ESD: variants seen among roughly 807,000 people sequenced by gnomAD.
ESD encodes S-formylglutathione hydrolase.
Under a neutral mutation model 38.1 loss-of-function variants are expected in ESD, and 34 were observed. The observed-to-expected ratio is 0.89, with a 90% CI of 0.68 to 1.19. The LOEUF (loss-of-function observed/expected upper bound fraction) is 1.19, where lower values mean the gene tolerates loss of function less well. Ranked by LOEUF, ESD falls within the 50% of genes most tolerant of loss-of-function variation. The pLI is 0.00. For synonymous variants in ESD, 97 were observed against 107.0 expected, an observed-to-expected ratio of 0.91 and a Z score of 0.58; for missense variants, 334 against 327.2, an observed-to-expected ratio of 1.02 and a Z score of -0.16.
intron 3 of ESD, among the ~76,000 whole-genome samples, chr13:46,788,575 C>T (rs1875279085): frequency 2.2e-5 from 3 of 138,398 alleles, no homozygotes; most frequent in African/African-American, 8.0e-5. Context: ...TTTGTTATTA[C>T]AACAAAATTT....
intron 5 of ESD, among the ~76,000 whole-genome samples, chr13:46,783,786 T>C (rs1251576844): frequency 6.6e-6 from 1 of 152,008 alleles, no homozygotes; most frequent in Non-Finnish European, 1.5e-5. Flanking sequence ...ACGTAGTTGA[T>C]ATTTTCATTT....
chr13:46,775,821 T>G (rs1440008302), intron 9 of ESD: 1 of 348,000 alleles, frequency 2.9e-6, no homozygotes, highest in Non-Finnish European at 5.8e-6. Context: ...TAGCCAACTA[T>G]GTGTTCTAGT....
rs1874592461 is a variant in ESD at position 46,771,264 on chromosome 13, A to ATATCT, written c.*147_*151dup. ...ACTTTTAAAATCAGAAGTAGGTTTT[A>ATATCT]TATCTTTATTCAGAGGTGATTCAAC... On this transcript the variant is annotated 3_prime_UTR_variant, in exon 10 of 10. Coordinates refer to ENST00000378720, the MANE Select transcript of ESD (RefSeq NM_001984.2). The ATATCT allele has an allele frequency of 2.0e-6, 1 of 512,030 alleles. No homozygotes were observed. Among genetic ancestry groups the ATATCT allele is most frequent in the Non-Finnish European group, 3.4e-6 (1 of 290,148 alleles). The allele number at this position is 512,030 out of a possible 1,614,324, so 31.7% of individuals were successfully genotyped here. A position where few individuals can be genotyped will look rare whatever the true frequency, so the allele number is the denominator to read the frequency against.
intron 2 of ESD, among the ~76,000 whole-genome samples, chr13:46,792,144 A>C (rs1875424761): frequency 6.6e-6 from 1 of 152,106 alleles, no homozygotes; most frequent in Admixed American, 6.5e-5. Context: ...ACAGGAAAAA[A>C]GTTGGAAAAC....
In ESD at chr13:46,771,422, A is replaced by T; in HGVS notation, c.843T>A (p.Asn281Lys). 6.3e-7 allele frequency: 1 copy of T among 1,594,136 alleles called. No individual in the cohort carries two copies. The highest frequency in any genetic ancestry group is 8.6e-7 in the Non-Finnish European group (1 of 1,165,636). ...DHIRHHAKYL[N>K]A Reference sequence around the variant, plus strand: ...TCTCTTATTTGGAGTTTTTTCATGCATTCAGGTATTTAGCATGATGTCTGA... The same window carrying T: ...TCTCTTATTTGGAGTTTTTTCATGCTTTCAGGTATTTAGCATGATGTCTGA... The change falls in exon 10 of 10, where the codon AAT becomes AAA. Residue 281 changes from asparagine to lysine, a missense_variant. Asn to Lys is a moderately conservative substitution (Grantham distance 94). Coordinates refer to ENST00000378720, the MANE Select transcript of ESD (RefSeq NM_001984.2).
At chr13:46,779,699 G>A (rs1874928425) in intron 8 of ESD, among the ~76,000 whole-genome samples, 1 of 142,966 alleles carries the variant, frequency 7.0e-6, no homozygotes, top group Non-Finnish European at 1.5e-5. Flanking sequence ...AGGGTTTTTT[G>A]TTGATTTATA....
intron 4 of ESD, 141 bp downstream of exon 4, chr13:46,786,876 AAAGT>A: frequency 2.4e-6 from 1 of 413,442 alleles, no homozygotes; most frequent in Non-Finnish European, 4.3e-6. Flanking sequence ...TCTGAGGATA[AAAGT>A]AACAGAGTAG....
At chr13:46,777,691 C>T in intron 8 of ESD, 68 bp from the exon 9 acceptor site, 1 of 1,218,730 alleles carries the variant, frequency 8.2e-7, no homozygotes, top group South Asian at 2.3e-5. Context: ...TATACTAGTA[C>T]CAAACAGAAA....
At chr13:46,781,470 A>C (rs1306096988) in intron 7 of ESD, 26 bp downstream of exon 7, 1 of 1,552,044 alleles carries the variant, frequency 6.4e-7, no homozygotes. Context: ...AGAAATATTT[A>C]TCACTAGAAG....
chr13:46,790,154 AT>A, intron 3 of ESD, among the ~76,000 whole-genome samples: 1 of 151,952 alleles, frequency 6.6e-6, no homozygotes, highest in East Asian at 1.9e-4. Flanking sequence ...GTACTTGAAT[AT>A]TTTTTAATAG....
intron 4 of ESD, among the ~76,000 whole-genome samples, 179 bp from the exon 5 acceptor site, chr13:46,784,529 G>A (rs771040544): frequency 1.1e-4 from 16 of 151,836 alleles, no homozygotes; most frequent in Non-Finnish European, 1.6e-4. Context: ...TCCATGTCAC[G>A]CAATACGCTC....
chr13:46,794,725 G>C (rs978167519), intron 1 of ESD, among the ~76,000 whole-genome samples: 2 of 151,872 alleles, frequency 1.3e-5, no homozygotes, highest in Non-Finnish European at 2.9e-5. Flanking sequence ...ACCTAGACAG[G>C]TGTTCCCAAA....
At chr13:46,796,008 T>C (rs1256011789) in intron 1 of ESD, among the ~76,000 whole-genome samples, 1 of 152,132 alleles carries the variant, frequency 6.6e-6, no homozygotes. Flanking sequence ...GGTAAGGATT[T>C]CTATTAAACT....
intron 4 of ESD, among the ~76,000 whole-genome samples, chr13:46,784,563 C>T (rs570159203): frequency 2.0e-5 from 3 of 151,746 alleles, no homozygotes; most frequent in Non-Finnish European, 2.9e-5. Flanking sequence ...GCACGTGTAC[C>T]CCTTTAATCT....
chr13:46,794,703 T>A (rs80146556), intron 1 of ESD, among the ~76,000 whole-genome samples: 1 of 152,176 alleles, frequency 6.6e-6, no homozygotes, highest in East Asian at 1.9e-4. Context: ...CCTATTCCAC[T>A]GGCTCTTAAC....
chr13:46,795,716 T>A (rs1245718058), intron 1 of ESD, among the ~76,000 whole-genome samples: 1 of 152,036 alleles, frequency 6.6e-6, no homozygotes, highest in Non-Finnish European at 1.5e-5. Context: ...TAAACTTCAG[T>A]CACACTCTAC....
Position 46,777,513 on chromosome 13 carries a change from A to T in ESD, c.711T>A (p.Asp237Glu). The change falls in exon 9 of 10, where the codon GAT becomes GAA. Residue 237 changes from aspartate (D) to glutamate (E), a missense_variant. By Grantham distance (45) the Asp-to-Glu change is conservative. Transcript: ENST00000378720. ...TTTCTGTACAGGCAGCTATGAAGTT[A>T]TCAGGGAGTAACTGTCCATCTAAAA... ...QFLLDGQLLP[D>E]NFIAACTEKK... The T allele has an allele frequency of 6.2e-7, 1 of 1,611,374 alleles. No homozygotes were observed. The highest frequency in any genetic ancestry group is 2.2e-5 in the East Asian group (1 of 44,770).
chr13:46,784,960 C>A (rs1286143377), intron 4 of ESD, among the ~76,000 whole-genome samples: 1 of 151,978 alleles, frequency 6.6e-6, no homozygotes, highest in Non-Finnish European at 1.5e-5. Context: ...AAACATCGCA[C>A]TATTTCTGCA....
Position 46,780,011 on chromosome 13 carries a change from A to T in ESD, c.524T>A (p.Ile175Asn). The T allele has an allele frequency of 5.0e-6, 8 of 1,598,304 alleles. No individual in the cohort carries two copies. Among genetic ancestry groups the T allele is most frequent in the Non-Finnish European group, 6.8e-6 (8 of 1,170,992 alleles). ...KYKSVSAFAPICNPVLCPWGK... is the reference protein window; with the variant it reads ...KYKSVSAFAPNCNPVLCPWGK... The stretch of plus-strand genomic sequence containing the variant: ...CCAGGGACAGAGTACAGGGTTGCAA[A>T]TTGGAGCAAATGCTGACACAGACTT... Residue 175 changes from isoleucine (I) to asparagine (N), a missense_variant, in exon 8 of 10, where the codon ATT becomes AAT. Physicochemically the swap from Ile to Asn is moderately radical, Grantham distance 149 (BLOSUM62 -3). Coordinates refer to ENST00000378720, the MANE Select transcript of ESD (RefSeq NM_001984.2).
Sources: gnomAD v4.1 joint callset for allele counts (sites outside exome capture counted in the v4.1 genomes callset) on GRCh38, gnomAD v4.1.1 for gene constraint, MANE v1.5 for transcripts, NCBI Gene and HGNC (gene_info 2026-07-23, HGNC 2026-07-21) for gene names.